The following KLF8 variants were observed in gnomAD, a reference collection of about 807,000 sequenced individuals.
The protein encoded by KLF8 is KLF transcription factor 8.
Under a neutral mutation model 18.2 loss-of-function variants are expected in KLF8, and 10 were observed. The ratio of observed to expected loss-of-function variants is 0.55; its 90% CI spans 0.34 to 0.93. KLF8 has a LOEUF of 0.93. Ranked by LOEUF, KLF8 falls within the 40% of genes least tolerant of loss-of-function variation. KLF8 has a pLI of 0.02. For synonymous variants in KLF8, 109 were observed against 97.3 expected (o/e 1.12, Z -0.71); for missense variants, 264 against 277.9 (o/e 0.95, Z 0.36).
At position 56,261,696 on chromosome X, in the gene KLF8, GT is replaced by G. The variant is rs754401351; in HGVS notation, c.82-3476del. Among the ~76,000 whole-genome samples, 12 of 110,553 alleles carry G rather than the reference GT, an allele frequency of 1.1e-4. No homozygotes were observed. In the East Asian group the frequency reaches 3.1e-3, roughly 29 times the overall value. ...AAGGTAAAGCAAATAGGGTGTTGGG[GT>G]TTTTTTTAACCATAGGGAGGGTTAT... On this transcript the variant is annotated intron_variant, in intron 2 of 5. Coordinates refer to ENST00000468660, the MANE Select transcript of KLF8 (RefSeq NM_007250.5).
chrX:55,962,320 A>T, the KLF8 span: 1 of 184,173 alleles, frequency 5.4e-6, no homozygotes, highest in Admixed American at 5.8e-5. Flanking sequence ...TAACTGACAA[A>T]ATTGGCATGT....
At chrX:56,025,495 T>C in the KLF8 span, among the ~76,000 whole-genome samples, 1 of 112,034 alleles carries the variant, frequency 8.9e-6, no homozygotes, top group Non-Finnish European at 1.9e-5. Flanking sequence ...AGACCAGTAT[T>C]GACACACATT....
the KLF8 span, among the ~76,000 whole-genome samples, chrX:56,079,824 C>G: frequency 6.3e-5 from 7 of 110,706 alleles, no homozygotes; most frequent in African/African-American, 2.3e-4. Flanking sequence ...TTATGAATCT[C>G]GGTGCTCCTG....
chrX:56,169,855 C>A, the KLF8 span, among the ~76,000 whole-genome samples: 1 of 111,255 alleles, frequency 9.0e-6, no homozygotes, highest in South Asian at 3.8e-4. Flanking sequence ...TAGGTAGTAG[C>A]TAAGTACTGG....
chrX:56,114,601 C>T, the KLF8 span, among the ~76,000 whole-genome samples: 8 of 112,745 alleles, frequency 7.1e-5, no homozygotes, highest in Non-Finnish European at 1.3e-4. Context: ...TGACCGTCCT[C>T]ATATTGCATA....
chrX:56,089,827 T>C, the KLF8 span, among the ~76,000 whole-genome samples: 4 of 112,599 alleles, frequency 3.6e-5, no homozygotes, highest in African/African-American at 1.3e-4. Flanking sequence ...TTCTCAGTTT[T>C]ACTTCCGTGA....
chrX:55,960,937 G>A, the KLF8 span, among the ~76,000 whole-genome samples: 1 of 111,563 alleles, frequency 9.0e-6, no homozygotes. Flanking sequence ...CTGTCTTCAA[G>A]AGACCCATCT....
the KLF8 span, among the ~76,000 whole-genome samples, chrX:56,159,199 G>A: frequency 8.9e-6 from 1 of 111,985 alleles, no homozygotes; most frequent in Non-Finnish European, 1.9e-5. Flanking sequence ...TTATTGATTT[G>A]CGTATTTTGA....
At chrX:56,149,763 C>A in the KLF8 span, among the ~76,000 whole-genome samples, 1 of 110,681 alleles carries the variant, frequency 9.0e-6, no homozygotes. Context: ...TCTGATTTCT[C>A]CTAGAAAATC....
At chrX:55,929,466 G>C in the KLF8 span, among the ~76,000 whole-genome samples, 2 of 112,298 alleles carry the variant, frequency 1.8e-5, no homozygotes, top group African/African-American at 6.5e-5. Flanking sequence ...GAATGGTATT[G>C]CCTAGGATTT....
the KLF8 span, among the ~76,000 whole-genome samples, chrX:55,915,549 A>G: frequency 8.9e-6 from 1 of 112,171 alleles, no homozygotes; most frequent in Non-Finnish European, 1.9e-5. Context: ...TCAAGGGTTC[A>G]CAAGTCACAT....
At chrX:56,165,338 AAAACATG>A in the KLF8 span, among the ~76,000 whole-genome samples, 2 of 112,401 alleles carry the variant, frequency 1.8e-5, no homozygotes, top group Non-Finnish European at 3.8e-5. Context: ...CTGCTCTGCA[AAAACATG>A]GCTAGACAAG....
rs1225102428 is a variant in KLF8 at position 56,289,909 on chromosome X, G to T, written c.*5415G>T. On this transcript the variant is annotated 3_prime_UTR_variant, in exon 6 of 6. Transcript: ENST00000468660. ...GTTCCAAGATTCTGGGGTCTATCCT[G>T]CCCCCAAAAAGTTTTCTCATGAACC... Among the ~76,000 whole-genome samples the T allele has an allele frequency of 9.0e-6, 1 of 111,223 alleles. No individual in the cohort carries two copies. The highest frequency in any genetic ancestry group is 1.9e-5 in the Non-Finnish European group (1 of 53,005).
the KLF8 span, among the ~76,000 whole-genome samples, chrX:56,074,218 A>G: frequency 8.9e-6 from 1 of 111,825 alleles, no homozygotes; most frequent in Non-Finnish European, 1.9e-5. Flanking sequence ...ATTTGAAAGT[A>G]CCCTCTTTTT....
At chrX:56,209,995 A>T in the KLF8 span, among the ~76,000 whole-genome samples, 1 of 111,860 alleles carries the variant, frequency 8.9e-6, no homozygotes, top group Non-Finnish European at 1.9e-5. Context: ...TTATTCAATG[A>T]CTATGTCTTG....
chrX:55,927,458 A>G, the KLF8 span, among the ~76,000 whole-genome samples: 1 of 111,963 alleles, frequency 8.9e-6, no homozygotes. Flanking sequence ...CATATTTTCA[A>G]CTTTACCAGG....
the KLF8 span, among the ~76,000 whole-genome samples, chrX:56,119,585 A>G: frequency 1.8e-5 from 2 of 109,645 alleles, no homozygotes; most frequent in African/African-American, 3.3e-5. Context: ...TGTTTTTAGT[A>G]GAGACGAGGT....
the KLF8 span, among the ~76,000 whole-genome samples, chrX:55,954,921 A>G: frequency 1.8e-5 from 2 of 111,828 alleles, no homozygotes; most frequent in African/African-American, 3.2e-5. Context: ...CACATGTTGT[A>G]TGATTCTATG....
intron 2 of KLF8, among the ~76,000 whole-genome samples, chrX:56,264,606 CTGTT>C (rs780165908): frequency 9.0e-6 from 1 of 110,745 alleles, no homozygotes; most frequent in East Asian, 2.8e-4. Flanking sequence ...ATTATACTGT[CTGTT>C]GTTATGGCTC....
Sources: allele counts gnomAD v4.1 joint callset (sites outside exome capture counted in the v4.1 genomes callset), GRCh38; gene constraint gnomAD v4.1.1; transcripts MANE v1.5; gene names NCBI Gene and HGNC (gene_info 2026-07-23, HGNC 2026-07-21).